OAF: variants seen among roughly 807,000 people sequenced by gnomAD.
The protein encoded by OAF is out at first protein homolog.
A neutral mutation model predicts 22.5 loss-of-function variants in OAF; 13 were observed. The observed-to-expected ratio is 0.58, with a 90% CI of 0.38 to 0.92. The LOEUF is 0.92. Ranked by LOEUF, OAF falls within the 40% of genes least tolerant of loss-of-function variation. The pLI is 0.00. For synonymous variants in OAF, 175 were observed against 170.5 expected (o/e 1.03, Z -0.21); for missense variants, 347 against 381.8 (o/e 0.91, Z 0.76).
chr11:120,211,480 C>G lies in OAF; in HGVS notation c.201C>G (p.Thr67=). Residue 67 remains threonine (T), a synonymous_variant, in exon 1 of 4, where the codon ACC becomes ACG. Transcript: ENST00000328965. ...TCGAGCTGCGCAAGCCCGACGGCAC[C>G]CTCGTCTCCTTCACCGCCGACTTCA... The part of the protein sequence containing the change: ...ISLELRKPDG[T]LVSFTADFKK... 6.7e-7 allele frequency: 1 copy of G among 1,498,268 alleles called. No individual in the cohort carries two copies. Among genetic ancestry groups the G allele is most frequent in the South Asian group, 1.3e-5 (1 of 77,414 alleles). 92.8% of individuals were successfully genotyped at this position (1,498,268 alleles called of 1,614,324 possible).
Position 120,229,238 on chromosome 11 carries a change from C to G in OAF, c.*96C>G. 2 of 1,118,118 alleles carry G rather than the reference C, an allele frequency of 1.8e-6. No individual in the cohort carries two copies. Among genetic ancestry groups the G allele is most frequent in the Non-Finnish European group, 2.6e-6 (2 of 769,904 alleles). The allele number at this position is 1,118,118 out of a possible 1,614,324, so 69.3% of individuals were successfully genotyped here. ...CCCCCACCTGAGGCCTTATTTCCCT[C>G]CCTCCCCACTCCCCTGGCCCTAGAG... On this transcript the variant is annotated 3_prime_UTR_variant, in exon 4 of 4. Coordinates refer to ENST00000328965, the MANE Select transcript of OAF (RefSeq NM_178507.4).
chr11:120,229,369 A>ACTTTTTTAAT lies in OAF; in HGVS notation c.*227_*228insCTTTTTTAAT. 1 of 308,020 alleles carries ACTTTTTTAAT rather than the reference A, an allele frequency of 3.2e-6. No homozygotes were observed. 19.1% of individuals were successfully genotyped at this position (308,020 alleles called of 1,614,324 possible). Reference sequence around the variant, plus strand: ...CCCACCCTGTGCCTTCCTTGCGGGCAGAGAGGGAGAGAAGGGCTCCCCAGA... The same window carrying ACTTTTTTAAT: ...CCCACCCTGTGCCTTCCTTGCGGGCACTTTTTTAATGAGAGGGAGAGAAGGGCTCCCCAGA... On this transcript the variant is annotated 3_prime_UTR_variant, in exon 4 of 4. Transcript: ENST00000328965.
intron 3 of OAF, 147 bp downstream of exon 3, chr11:120,227,143 G>A: frequency 1.7e-6 from 1 of 577,056 alleles, no homozygotes; most frequent in Non-Finnish European, 3.0e-6. Flanking sequence ...TTGTTCAGGA[G>A]ACATTTACTG....
At chr11:120,213,376 A>G (rs924835997) in intron 1 of OAF, among the ~76,000 whole-genome samples, 4 of 152,120 alleles carry the variant, frequency 2.6e-5, no homozygotes, top group Admixed American at 1.3e-4. Context: ...TTGAATCTCT[A>G]CAGTGGTTCA....
At chr11:120,227,306 G>A (rs1242902051) in intron 3 of OAF, among the ~76,000 whole-genome samples, 1 of 152,148 alleles carries the variant, frequency 6.6e-6, no homozygotes, top group Non-Finnish European at 1.5e-5. Flanking sequence ...GGCTACAGTT[G>A]GTCTGGGAAG....
In OAF at chr11:120,226,848, G is replaced by C. The variant is rs1327564480; in HGVS notation, c.399G>C (p.Glu133Asp). 1.9e-6 allele frequency: 3 copies of C among 1,607,446 alleles called. No homozygotes were observed. The highest frequency in any genetic ancestry group is 2.6e-6 in the Non-Finnish European group (3 of 1,175,220). The change falls in exon 3 of 4, where the codon GAG (glutamate) becomes GAC (aspartate). Residue 133 changes from glutamate to aspartate, a missense_variant. Physicochemically the swap from Glu to Asp is conservative, Grantham distance 45. Coordinates refer to ENST00000328965, the MANE Select transcript of OAF (RefSeq NM_178507.4). ...KNPRAVRQAE[E>D]VRGLEHLHMD... ...CCCGGGCAGTGCGGCAGGCGGAGGAGGTTCGGGGTCTGGAGCATCTGCACA... is the reference window on the plus strand; with the variant it reads ...CCCGGGCAGTGCGGCAGGCGGAGGACGTTCGGGGTCTGGAGCATCTGCACA...
chr11:120,219,832 A>C (rs975089065), intron 1 of OAF, among the ~76,000 whole-genome samples: 6 of 152,172 alleles, frequency 3.9e-5, no homozygotes, highest in African/African-American at 1.4e-4. Context: ...TGATCCCCTA[A>C]ACCTTCTAGA....
At chr11:120,228,601 TAC>T (rs1310480798) in intron 3 of OAF, among the ~76,000 whole-genome samples, 2 of 152,136 alleles carry the variant, frequency 1.3e-5, no homozygotes, top group Admixed American at 6.5e-5. Context: ...CTGATGGAGG[TAC>T]TGTAAGTAGA....
intron 1 of OAF, among the ~76,000 whole-genome samples, chr11:120,222,671 T>C (rs1938295774): frequency 6.6e-6 from 1 of 152,068 alleles, no homozygotes; most frequent in African/African-American, 2.4e-5. Flanking sequence ...CCCAACACTT[T>C]GGGAGGCCGA....
intron 1 of OAF, among the ~76,000 whole-genome samples, chr11:120,222,504 C>T (rs1005209367): frequency 3.3e-5 from 5 of 151,094 alleles, no homozygotes; most frequent in East Asian, 1.9e-4. Context: ...TGCAGTGAGC[C>T]GAGATTGCAC....
intron 1 of OAF, among the ~76,000 whole-genome samples, chr11:120,222,989 CCTCTT>C (rs1421880115): frequency 1.1e-4 from 16 of 152,226 alleles, no homozygotes; most frequent in Admixed American, 5.9e-4. Context: ...ATTCCTGCCT[CCTCTT>C]CTCTTATTTG....
Position 120,211,464 on chromosome 11 carries a change from G to T in OAF, c.185G>T (p.Arg62Leu), listed in dbSNP as rs1938146337. The T allele has an allele frequency of 6.6e-7, 1 of 1,522,556 alleles. No individual in the cohort carries two copies. Among genetic ancestry groups the T allele is most frequent in the Non-Finnish European group, 8.8e-7 (1 of 1,131,958 alleles). 94.3% of individuals were successfully genotyped at this position (1,522,556 alleles called of 1,614,324 possible). ...GCGGACAGCATCAGCCTCGAGCTGC[G>T]CAAGCCCGACGGCACCCTCGTCTCC... Reference protein sequence around the residue: ...SDADSISLELRKPDGTLVSFT... With the variant: ...SDADSISLELLKPDGTLVSFT... The change falls in exon 1 of 4, where the codon CGC (arginine) becomes CTC (leucine). Residue 62 changes from arginine (R) to leucine (L), a missense_variant. By Grantham distance (102) the Arg-to-Leu change is moderately radical (BLOSUM62 -2). Transcript: ENST00000328965.
At chr11:120,226,557 C>T (rs1251136281) in intron 2 of OAF, among the ~76,000 whole-genome samples, 1 of 152,244 alleles carries the variant, frequency 6.6e-6, no homozygotes, top group Non-Finnish European at 1.5e-5. Flanking sequence ...TCAGCATTCT[C>T]CATCAAGCCC....
Position 120,229,540 on chromosome 11 carries a change from A to C in OAF, c.*398A>C. ...CTGGACACCCACCTCCCCAGACACA[A>C]CTCCCTTCCCCATGCACACATCTGG... is the stretch of plus-strand genomic sequence containing the variant. On this transcript the variant is annotated 3_prime_UTR_variant, in exon 4 of 4. Transcript: ENST00000328965. 5.0e-6 allele frequency: 1 copy of C among 199,738 alleles called. No individual in the cohort carries two copies. Among genetic ancestry groups the C allele is most frequent in the South Asian group, 1.1e-4 (1 of 9,510 alleles). 12.4% of individuals were successfully genotyped at this position (199,738 alleles called of 1,614,324 possible).
In OAF at chr11:120,211,275, C is replaced by G. The variant is rs892947325; in HGVS notation, c.-5C>G. 3.3e-6 allele frequency: 4 copies of G among 1,222,066 alleles called. No individual in the cohort carries two copies. In the East Asian group the frequency reaches 1.0e-4, roughly 31 times the overall value. The allele number at this position is 1,222,066 out of a possible 1,614,324, so 75.7% of individuals were successfully genotyped here. A position where few individuals can be genotyped will look rare whatever the true frequency, so the allele number is the denominator to read the frequency against. On this transcript the variant is annotated 5_prime_UTR_variant, in exon 1 of 4. Coordinates refer to ENST00000328965, the MANE Select transcript of OAF (RefSeq NM_178507.4). Reference sequence around the variant, plus strand: ...CGGGGCCGCGGACGGCAGCGGCCCCCGGGGATGCGCCTTCCCGGGGTACCC... The same window carrying G: ...CGGGGCCGCGGACGGCAGCGGCCCCGGGGGATGCGCCTTCCCGGGGTACCC...
Position 120,211,371 on chromosome 11 carries a change from A to T in OAF, c.92A>T (p.Glu31Val). 2.7e-6 allele frequency: 4 copies of T among 1,456,120 alleles called. No homozygotes were observed. The South Asian group carries it at 5.3e-5, about 19-fold the overall frequency. 90.2% of individuals were successfully genotyped at this position (1,456,120 alleles called of 1,614,324 possible). ...CTGCTGGGAACGGGTGCGCCGGCCG[A>T]GCTGCGGGTCCGCGTGCGGCTGCCG... ...APLLGTGAPA[E>V]LRVRVRLPDG... The change falls in exon 1 of 4, where the codon GAG becomes GTG. Residue 31 changes from glutamate (E) to valine (V), a missense_variant. Physicochemically the swap from Glu to Val is moderately radical, Grantham distance 121 (BLOSUM62 -2). Transcript: ENST00000328965.
At chr11:120,228,499 T>A (rs1332596794) in intron 3 of OAF, among the ~76,000 whole-genome samples, 3 of 152,130 alleles carry the variant, frequency 2.0e-5, no homozygotes. Flanking sequence ...TGTGGTCTAG[T>A]GGAGGCCTTG....
chr11:120,227,126 C>A, intron 3 of OAF, 130 bp downstream of exon 3: 1 of 612,928 alleles, frequency 1.6e-6, no homozygotes, highest in South Asian at 2.4e-5. Context: ...CATCATTAGC[C>A]TTTCCTTTGT....
chr11:120,228,567 G>T (rs1938392293), intron 3 of OAF, among the ~76,000 whole-genome samples: 1 of 152,198 alleles, frequency 6.6e-6, no homozygotes, highest in African/African-American at 2.4e-5. Flanking sequence ...AAACAGGGAT[G>T]ACGATACTTA....
Sources: gnomAD v4.1 joint callset for allele counts (sites outside exome capture counted in the v4.1 genomes callset) on GRCh38, gnomAD v4.1.1 for gene constraint, MANE v1.5 for transcripts, NCBI Gene and HGNC (gene_info 2026-07-23, HGNC 2026-07-21) for gene names.